The following PTPN1 variants were observed in gnomAD, a reference collection of about 807,000 sequenced individuals.
PTPN1 encodes the protein tyrosine-protein phosphatase non-receptor type 1.
A neutral mutation model predicts 59.9 loss-of-function variants in PTPN1; 12 were observed. The ratio of observed to expected loss-of-function variants is 0.20; its 90% CI spans 0.13 to 0.32. The LOEUF (loss-of-function observed/expected upper bound fraction) is 0.32, where lower values mean the gene tolerates loss of function less well. Ranked by LOEUF, PTPN1 falls within the 10% of genes least tolerant of loss-of-function variation. The pLI, the probability that PTPN1 is intolerant of heterozygous loss-of-function variation, is 1.00. For missense variants in PTPN1, 356 were observed against 549.2 expected (o/e 0.65, Z 3.52); for synonymous variants, 178 against 203.6 (o/e 0.87, Z 1.07).
intron 2 of PTPN1, among the ~76,000 whole-genome samples, chr20:50,564,319 T>C (rs1370346690): frequency 2.0e-5 from 3 of 152,172 alleles, no homozygotes. Context: ...CAGCCAGGCA[T>C]GGGTGGCTCA....
intron 1 of PTPN1, among the ~76,000 whole-genome samples, chr20:50,542,271 C>G (rs2082656505): frequency 6.6e-6 from 1 of 152,174 alleles, no homozygotes; most frequent in Non-Finnish European, 1.5e-5. Flanking sequence ...TCTTCTTAAA[C>G]AAGAGCACAA....
chr20:50,543,966 C>T (rs1412131316), intron 1 of PTPN1, among the ~76,000 whole-genome samples: 1 of 152,148 alleles, frequency 6.6e-6, no homozygotes, highest in Non-Finnish European at 1.5e-5. Flanking sequence ...CTGCCTCAGC[C>T]TCCCGAGTAG....
At position 50,510,565 on chromosome 20, in the gene PTPN1, C is replaced by A. The variant is rs748228918; in HGVS notation, c.38C>A (p.Ser13Tyr). Reference protein sequence around the residue: ...MEKEFEQIDKSGSWAAIYQDI... With the variant: ...MEKEFEQIDKYGSWAAIYQDI... ...AAGGAGTTCGAGCAGATCGACAAGTCCGGGAGCTGGGCGGCCATTTACCAG... is the reference window on the plus strand; with the variant it reads ...AAGGAGTTCGAGCAGATCGACAAGTACGGGAGCTGGGCGGCCATTTACCAG... Residue 13 changes from serine to tyrosine, a missense_variant, in exon 1 of 10, where the codon TCC (serine) becomes TAC (tyrosine). Physicochemically the swap from Ser to Tyr is moderately radical, Grantham distance 144 (BLOSUM62 -2). This residue lies in a region of PTPN1 where 194 missense variants were observed against 344.2 expected (regional missense o/e 0.56). Coordinates refer to ENST00000371621, the MANE Select transcript of PTPN1 (RefSeq NM_002827.4). 3.9e-6 allele frequency: 6 copies of A among 1,551,194 alleles called. 1 individual carries two copies. In the South Asian group the frequency reaches 6.0e-5, roughly 15 times the overall value.
intron 9 of PTPN1, 22 bp downstream of exon 9, chr20:50,581,482 C>A (rs770273775): frequency 6.3e-7 from 1 of 1,583,244 alleles, no homozygotes; most frequent in Admixed American, 1.7e-5. Flanking sequence ...CTGACAGACG[C>A]GCTGGCGAGA....
rs2082876952 is a variant in PTPN1 at position 50,582,996 on chromosome 20, G to A, written c.*281G>A. On this transcript the variant is annotated 3_prime_UTR_variant, in exon 10 of 10. Transcript: ENST00000371621. This position sits in a 1 kb window ranked among gnomAD's most constrained non-coding sequence, Gnocchi z 4.2. ...CATGCTGGCGGCGCAGAGGGAAGGG[G>A]CCTACACCCGTCTTGGGGCTCGCCC... The A allele has an allele frequency of 2.0e-6, 1 of 493,034 alleles. No individual in the cohort carries two copies. The highest frequency in any genetic ancestry group is 3.7e-6 in the Non-Finnish European group (1 of 272,676). 30.5% of individuals were successfully genotyped at this position (493,034 alleles called of 1,614,324 possible).
chr20:50,570,703 G>C (rs539262331), intron 4 of PTPN1, among the ~76,000 whole-genome samples: 1 of 152,198 alleles, frequency 6.6e-6, no homozygotes. Flanking sequence ...TGACACTTGG[G>C]CTGGATCATT....
intron 4 of PTPN1, among the ~76,000 whole-genome samples, chr20:50,570,813 C>G (rs1056687718): frequency 6.6e-6 from 1 of 152,206 alleles, no homozygotes; most frequent in Admixed American, 6.5e-5. Context: ...AGCACCCCCT[C>G]CCCAGATGTG....
At chr20:50,512,106 A>G (rs1601382090) in intron 1 of PTPN1, among the ~76,000 whole-genome samples, 1 of 152,220 alleles carries the variant, frequency 6.6e-6, no homozygotes, top group Non-Finnish European at 1.5e-5. Context: ...CTATATACTA[A>G]TAAGTATGAT....
chr20:50,513,624 C>T (rs955347059), intron 1 of PTPN1, among the ~76,000 whole-genome samples: 7 of 152,262 alleles, frequency 4.6e-5, no homozygotes, highest in Admixed American at 4.6e-4. Context: ...TAGAGGCAGG[C>T]TTTGTAAAAT....
At chr20:50,555,174 C>T (rs1223463513) in intron 1 of PTPN1, among the ~76,000 whole-genome samples, 1 of 152,058 alleles carries the variant, frequency 6.6e-6, no homozygotes, top group Non-Finnish European at 1.5e-5. Flanking sequence ...AAAGCTGGTT[C>T]TTTGTAAAGA....
At chr20:50,549,516 C>T (rs982707079) in intron 1 of PTPN1, among the ~76,000 whole-genome samples, 9 of 152,202 alleles carry the variant, frequency 5.9e-5, no homozygotes, top group Middle Eastern at 3.2e-3. Context: ...GCGGACCCAA[C>T]GCTTCCTCCA....
At chr20:50,562,003 C>T (rs1046202684) in intron 2 of PTPN1, among the ~76,000 whole-genome samples, 1 of 152,206 alleles carries the variant, frequency 6.6e-6, no homozygotes, top group Admixed American at 6.5e-5. Context: ...TGTGGCAGCC[C>T]TGTCCGCCTT....
intron 5 of PTPN1, among the ~76,000 whole-genome samples, chr20:50,575,400 T>C (rs972846042): frequency 6.6e-6 from 1 of 152,140 alleles, no homozygotes; most frequent in Non-Finnish European, 1.5e-5. Context: ...TCCTCTTCTG[T>C]CAAACTCAGG....
At position 50,568,303 on chromosome 20, in the gene PTPN1, C is replaced by G. The variant is rs555546335; in HGVS notation, c.256-77C>G. 1 of 1,340,140 alleles carries G rather than the reference C, an allele frequency of 7.5e-7. No individual in the cohort carries two copies. Among genetic ancestry groups the G allele is most frequent in the African/African-American group, 1.4e-5 (1 of 69,648 alleles). 83.0% of individuals were successfully genotyped at this position (1,340,140 alleles called of 1,614,324 possible). On this transcript the variant is annotated intron_variant, in intron 3 of 9. Coordinates refer to ENST00000371621, the MANE Select transcript of PTPN1 (RefSeq NM_002827.4). This position sits in a 1 kb window ranked among gnomAD's most constrained non-coding sequence, Gnocchi z 5.6. Reference sequence around the variant, plus strand: ...TGGGGACTGAGGGCGCTGTCGTTAGCTGACTGCAGAAGGTGAGCACACGCT... The same window carrying G: ...TGGGGACTGAGGGCGCTGTCGTTAGGTGACTGCAGAAGGTGAGCACACGCT...
chr20:50,515,024 G>A (rs1340573257), intron 1 of PTPN1, among the ~76,000 whole-genome samples: 1 of 152,172 alleles, frequency 6.6e-6, no homozygotes, highest in Non-Finnish European at 1.5e-5. Flanking sequence ...GTTTCACACT[G>A]CAGAAATGAG....
At chr20:50,569,959 G>A (rs568755130) in intron 4 of PTPN1, among the ~76,000 whole-genome samples, 2 of 152,366 alleles carry the variant, frequency 1.3e-5, no homozygotes, top group African/African-American at 4.8e-5. Flanking sequence ...GAGACCAGCA[G>A]GAGCGTGTGG....
chr20:50,533,025 C>CT (rs201927734), intron 1 of PTPN1, among the ~76,000 whole-genome samples: 2,111 of 145,124 alleles, frequency 0.015, 41 homozygotes, highest in African/African-American at 0.035. Flanking sequence ...TCTAATATCA[C>CT]TTTTTTTTTT....
chr20:50,520,786 G>A (rs1434577067), intron 1 of PTPN1, among the ~76,000 whole-genome samples: 5 of 152,312 alleles, frequency 3.3e-5, no homozygotes, highest in Admixed American at 3.3e-4. Flanking sequence ...GACGACTCAG[G>A]AAGAAGAAGA....
At chr20:50,577,562 G>A (rs2082842855) in intron 5 of PTPN1, 1 of 152,290 alleles carries the variant, frequency 6.6e-6, no homozygotes, top group Admixed American at 6.5e-5. Flanking sequence ...CCCCCAGTGA[G>A]GGCTGCCTTT....
Sources: gnomAD v4.1 joint callset for allele counts (sites outside exome capture counted in the v4.1 genomes callset) on GRCh38, gnomAD v4.1.1 for gene constraint, gnomAD v4.1.1 regional missense constraint, Gnocchi (gnomAD v3.1) non-coding constraint, MANE v1.5 for transcripts, NCBI Gene and HGNC (gene_info 2026-07-23, HGNC 2026-07-21) for gene names.